The following SHPK variants were observed in gnomAD, a reference collection of about 807,000 sequenced individuals.
SHPK encodes the protein sedoheptulokinase, also known as carbohydrate kinase-like protein.
SHPK carries 51 observed loss-of-function variants against 46.3 expected under a neutral mutation model. That is an observed-to-expected ratio of 1.10 (90% CI 0.88 to 1.39). The LOEUF (loss-of-function observed/expected upper bound fraction) is 1.39. SHPK is among the 40% of genes most tolerant of loss of function. The pLI, the probability that SHPK is intolerant of heterozygous loss-of-function variation, is 0.00. For synonymous variants in SHPK, 290 were observed against 273.9 expected (o/e 1.06, Z -0.58); for missense variants, 668 against 641.3 (o/e 1.04, Z -0.45).
At chr17:3,619,672 G>A (rs1376937199) in intron 5 of SHPK, 6 of 338,012 alleles carry the variant, frequency 1.8e-5, no homozygotes, top group Non-Finnish European at 3.4e-5. Context: ...GGCAGAGATT[G>A]CAGTGAGCCG....
Position 3,610,544 on chromosome 17 carries a change from CGAAA to C in SHPK, c.*12_*15del, listed in dbSNP as rs754296348. ...GGTAAAATTCACAGCAGTCGTTTGG[CGAAA>C]GAGTTTGCTGTCTAAGATTCCTTCT... On this transcript the variant is annotated 3_prime_UTR_variant, in exon 7 of 7. Coordinates refer to ENST00000225519, the MANE Select transcript of SHPK (RefSeq NM_013276.4). 2 of 1,580,464 alleles carry C rather than the reference CGAAA, an allele frequency of 1.3e-6. No individual in the cohort carries two copies. The highest frequency in any genetic ancestry group is 1.1e-5 in the South Asian group (1 of 88,012).
intron 6 of SHPK, among the ~76,000 whole-genome samples, chr17:3,614,140 G>T (rs2075358151): frequency 6.6e-6 from 1 of 152,190 alleles, no homozygotes; most frequent in Non-Finnish European, 1.5e-5. Context: ...GAAGGGAAGG[G>T]ACTTGCCAAG....
At chr17:3,611,306 C>A (rs752691564) in intron 6 of SHPK, among the ~76,000 whole-genome samples, 1 of 152,222 alleles carries the variant, frequency 6.6e-6, no homozygotes, top group South Asian at 2.1e-4. Context: ...TGGTGGCTCA[C>A]GCCTGTAATC....
chr17:3,615,780 G>C (rs2075368461), intron 5 of SHPK, among the ~76,000 whole-genome samples: 1 of 152,112 alleles, frequency 6.6e-6, no homozygotes, highest in Non-Finnish European at 1.5e-5. Flanking sequence ...CACTGAGAGA[G>C]GGTGGGGTTT....
intron 6 of SHPK, among the ~76,000 whole-genome samples, chr17:3,614,058 C>A (rs1433938633): frequency 6.6e-6 from 1 of 152,146 alleles, no homozygotes; most frequent in Non-Finnish European, 1.5e-5. Context: ...GAGGCGAAAG[C>A]TGCTATGAGC....
intron 4 of SHPK, 93 bp from the exon 5 acceptor site, chr17:3,621,505 T>G: frequency 8.5e-7 from 1 of 1,179,204 alleles, no homozygotes; most frequent in Non-Finnish European, 1.2e-6. Flanking sequence ...CTTCTCTCCA[T>G]TCCTCCCTCC....
At chr17:3,621,619 C>CCCTT (rs11280934) in intron 4 of SHPK, among the ~76,000 whole-genome samples, 12,061 of 112,122 alleles carry the variant, frequency 0.11, 2,279 homozygotes, top group African/African-American at 0.37. Flanking sequence ...CTCCCTCCCT[C>CCCTT]CCTTCCTTCC....
chr17:3,635,582 G>C (rs945311450), intron 1 of SHPK, among the ~76,000 whole-genome samples: 1 of 152,232 alleles, frequency 6.6e-6, no homozygotes, highest in Non-Finnish European at 1.5e-5. Flanking sequence ...AATGAGCCAG[G>C]AGCCAGTTAG....
In SHPK at chr17:3,624,164, C is replaced by T. The variant is rs1317576964; in HGVS notation, c.378G>A (p.Thr126=). The change falls in exon 3 of 7, where the codon ACG becomes ACA. Residue 126 remains threonine (T), a synonymous_variant. Transcript: ENST00000225519. ...FEPRAVSHLV[T]WQDGRCSSEF... ...CGCTGCTACATCGGCCATCCTGCCA[C>T]GTGACCAGGTGGCTAACAGCTCGGG... The T allele has an allele frequency of 7.4e-6, 12 of 1,614,094 alleles. No individual in the cohort carries two copies. Among genetic ancestry groups the T allele is most frequent in the South Asian group, 3.3e-5 (3 of 91,090 alleles).
At chr17:3,628,082 C>G (rs2075448646) in intron 2 of SHPK, among the ~76,000 whole-genome samples, 1 of 151,986 alleles carries the variant, frequency 6.6e-6, no homozygotes, top group Admixed American at 6.6e-5. Flanking sequence ...ATGCCAGTCC[C>G]ACTGACAGGC....
At position 3,631,536 on chromosome 17, in the gene SHPK, T is replaced by C. The variant is rs866151351; in HGVS notation, c.169-1190A>G. Among the ~76,000 whole-genome samples, 104 of 140,830 alleles carry C rather than the reference T, an allele frequency of 7.4e-4. 2 individuals carry two copies. In the South Asian group the frequency reaches 0.021, roughly 28 times the overall value. 92.4% of individuals were successfully genotyped at this position (140,830 alleles called of 152,430 possible). A position where few individuals can be genotyped will look rare whatever the true frequency, so the allele number is the denominator to read the frequency against. On this transcript the variant is annotated intron_variant, in intron 1 of 6. Transcript: ENST00000225519. ...GCTTTTTTTTTTTTTTTTTTTTTTT[T>C]TTTAGCGATAGAGTCTCTCTCTATT...
At chr17:3,614,412 C>A (rs2075359970) in intron 6 of SHPK, among the ~76,000 whole-genome samples, 1 of 152,080 alleles carries the variant, frequency 6.6e-6, no homozygotes, top group African/African-American at 2.4e-5. Context: ...GTAGTCCCAG[C>A]TACTTGGGAG....
intron 5 of SHPK, among the ~76,000 whole-genome samples, chr17:3,617,847 T>C (rs568267332): frequency 2.0e-5 from 3 of 152,298 alleles, no homozygotes; most frequent in African/African-American, 7.2e-5. Flanking sequence ...TAGATAACTG[T>C]TTATAAAAGT....
chr17:3,610,878 C>T lies in SHPK; in HGVS notation c.1119G>A (p.Leu373=), dbSNP rs943019386. The change falls in exon 7 of 7, where the codon CTG becomes CTA. Residue 373 remains leucine (L), a synonymous_variant. Transcript: ENST00000225519. ...DTHLTITPTV[L]GERHLPDQLA... ...GCTGGTCCGGCAGGTGCCTCTCCCCCAGCACTGTCGGGGTGATGGTCAGGT... is the reference window on the plus strand; with the variant it reads ...GCTGGTCCGGCAGGTGCCTCTCCCCTAGCACTGTCGGGGTGATGGTCAGGT... 5.6e-6 allele frequency: 9 copies of T among 1,613,908 alleles called. No homozygotes were observed. The highest frequency in any genetic ancestry group is 2.7e-5 in the African/African-American group (2 of 74,946).
At chr17:3,631,512 CTTTTTTTTTT>C (rs371958939) in intron 1 of SHPK, among the ~76,000 whole-genome samples, 5 of 53,036 alleles carry the variant, frequency 9.4e-5, no homozygotes, top group East Asian at 7.0e-4. Context: ...TAATTTAATG[CTTTTTTTTTT>C]TTTTTTTTTT....
rs747285111 is a variant in SHPK, at chr17:3,615,396, T to C, written c.965A>G (p.Asn322Ser). ...RTYLGVAASL[N>S]GGNVLATFVH... is the part of the protein sequence containing the mutation. ...GAACGTGGCCAGCACATTGCCCCCGTTGAGTGACGCGGCCACCCCCAGGTA... is the reference window on the plus strand; with the variant it reads ...GAACGTGGCCAGCACATTGCCCCCGCTGAGTGACGCGGCCACCCCCAGGTA... Residue 322 changes from asparagine (N) to serine (S), a missense_variant, in exon 6 of 7, where the codon AAC becomes AGC. Physicochemically the swap from Asn to Ser is conservative, Grantham distance 46. Transcript: ENST00000225519. 2.6e-5 allele frequency: 42 copies of C among 1,614,038 alleles called. No individual in the cohort carries two copies. Among genetic ancestry groups the C allele is most frequent in the East Asian group, 2.2e-5 (1 of 44,898 alleles).
At chr17:3,625,367 C>T (rs1387845920) in intron 2 of SHPK, among the ~76,000 whole-genome samples, 1 of 152,206 alleles carries the variant, frequency 6.6e-6, no homozygotes, top group Non-Finnish European at 1.5e-5. Context: ...ACTCCCAAGG[C>T]TAGGTCATAA....
chr17:3,626,527 C>T (rs1414356350), intron 2 of SHPK, among the ~76,000 whole-genome samples: 2 of 151,818 alleles, frequency 1.3e-5, no homozygotes, highest in Non-Finnish European at 2.9e-5. Context: ...GCCAGCCTGG[C>T]CAACATGGTG....
chr17:3,630,206 T>A lies in SHPK; in HGVS notation c.309A>T (p.Gln103His), dbSNP rs200488601. Residue 103 changes from glutamine to histidine, a missense_variant and splice_region_variant, in exon 2 of 7, where the codon CAA (glutamine) becomes CAT (histidine). Physicochemically the swap from Gln to His is conservative, Grantham distance 24. Transcript: ENST00000225519. The stretch of plus-strand genomic sequence containing the variant: ...AGAGCATCCCCGAGCCCAGCATACC[T>A]TGGCCTGTTTTCCAAAACACGACTC... ...MHGVVFWKTG[Q>H]GCEWTEGGIT... The A allele has an allele frequency of 4.1e-4, 656 of 1,613,862 alleles. No individual in the cohort carries two copies. Among genetic ancestry groups the A allele is most frequent in the Non-Finnish European group, 5.2e-4 (619 of 1,180,020 alleles).
Sources: allele counts gnomAD v4.1 joint callset (sites outside exome capture counted in the v4.1 genomes callset), GRCh38; gene constraint gnomAD v4.1.1; transcripts MANE v1.5; gene names NCBI Gene and HGNC (gene_info 2026-07-23, HGNC 2026-07-21).